The following PTPRE variants were observed in gnomAD, a reference collection of about 807,000 sequenced individuals.
PTPRE encodes receptor-type tyrosine-protein phosphatase epsilon.
A neutral mutation model predicts 102.0 loss-of-function variants in PTPRE; 51 were observed. That is an observed-to-expected ratio of 0.50 (90% confidence interval 0.40 to 0.63). The LOEUF (loss-of-function observed/expected upper bound fraction) is 0.63, where lower values mean the gene tolerates loss of function less well. Ranked by LOEUF, PTPRE falls within the 30% of genes least tolerant of loss-of-function variation. The probability of loss-of-function intolerance (pLI) is 0.00; values close to 1 mark genes in which losing one functional copy is unlikely to be tolerated. For missense variants in PTPRE, 752 were observed against 915.1 expected (o/e 0.82, Z 2.30); for synonymous variants, 345 against 348.2 (o/e 0.99, Z 0.10).
At position 128,008,074 on chromosome 10, in the gene PTPRE, C is replaced by T. The variant is rs1181809260; in HGVS notation, c.-8+25778C>T. Reference sequence around the variant, plus strand: ...AGCTTCCTCCAGGAAGAAGGCATCTCTCACCACTGGGGAGGCACAGGAGGC... The same window carrying T: ...AGCTTCCTCCAGGAAGAAGGCATCTTTCACCACTGGGGAGGCACAGGAGGC... On this transcript the variant is annotated intron_variant, in intron 2 of 20. Transcript: ENST00000254667. This position sits in a 1 kb window ranked among gnomAD's most constrained non-coding sequence, Gnocchi z 4.0. Among the ~76,000 whole-genome samples, 6 of 152,202 alleles carry T rather than the reference C, an allele frequency of 3.9e-5. No individual in the cohort carries two copies. The highest frequency in any genetic ancestry group is 1.4e-4 in the African/African-American group (6 of 41,438).
At chr10:127,919,693 A>G (rs1415886764) in intron 1 of PTPRE, among the ~76,000 whole-genome samples, 2 of 152,188 alleles carry the variant, frequency 1.3e-5, no homozygotes, top group Non-Finnish European at 2.9e-5. Context: ...CTGTGCATCC[A>G]TCTTTTGTCT....
chr10:127,911,865 A>T (rs1845892578), intron 1 of PTPRE, among the ~76,000 whole-genome samples: 3 of 151,304 alleles, frequency 2.0e-5, no homozygotes, highest in Non-Finnish European at 4.4e-5. Flanking sequence ...ACTTCTCATT[A>T]TTTTGTCACT....
At chr10:127,914,215 G>T (rs1192170896) in intron 1 of PTPRE, among the ~76,000 whole-genome samples, 1 of 152,132 alleles carries the variant, frequency 6.6e-6, no homozygotes, top group Non-Finnish European at 1.5e-5. Context: ...GAAGCTTCCT[G>T]AGCCTCACCT....
chr10:128,048,305 A>T (rs1848265560), intron 5 of PTPRE, among the ~76,000 whole-genome samples: 1 of 152,208 alleles, frequency 6.6e-6, no homozygotes, highest in South Asian at 2.1e-4. Context: ...CATCCGAAGT[A>T]CAGTTTCGAA....
chr10:128,082,384 G>C (rs1211962265), intron 20 of PTPRE, among the ~76,000 whole-genome samples: 1 of 150,998 alleles, frequency 6.6e-6, no homozygotes, highest in Non-Finnish European at 1.5e-5. Flanking sequence ...GCTAATTTTT[G>C]TATCTTTTTT....
At position 128,008,477 on chromosome 10, in the gene PTPRE, G is replaced by A. The variant is rs767856348; in HGVS notation, c.-8+26181G>A. ...GGGATAATGTCAAACAGCCAGTCCCGGGTTTCTAAACCCAGTTGATCAATA... is the reference window on the plus strand; with the variant it reads ...GGGATAATGTCAAACAGCCAGTCCCAGGTTTCTAAACCCAGTTGATCAATA... On this transcript the variant is annotated intron_variant, in intron 2 of 20. Coordinates refer to ENST00000254667, the MANE Select transcript of PTPRE (RefSeq NM_006504.6). This position sits in a 1 kb window ranked among gnomAD's most constrained non-coding sequence, Gnocchi z 4.0. 3.9e-5 allele frequency among the ~76,000 whole-genome samples: 6 copies of A among 152,174 alleles called. No homozygotes were observed. The highest frequency in any genetic ancestry group is 1.9e-4 in the East Asian group (1 of 5,192).
At chr10:128,042,354 A>T (rs994784040) in intron 3 of PTPRE, among the ~76,000 whole-genome samples, 1 of 152,172 alleles carries the variant, frequency 6.6e-6, no homozygotes, top group African/African-American at 2.4e-5. Context: ...TCCACTCCAC[A>T]TCTGAGGCTT....
At chr10:128,064,867 C>T (rs759666703) in intron 10 of PTPRE, among the ~76,000 whole-genome samples, 8 of 152,328 alleles carry the variant, frequency 5.3e-5, no homozygotes, top group African/African-American at 7.2e-5. Context: ...TTGCAAAACA[C>T]AGCTGCCCTG....
intron 1 of PTPRE, among the ~76,000 whole-genome samples, chr10:127,981,537 G>C (rs1297946786): frequency 1.3e-5 from 2 of 152,104 alleles, no homozygotes; most frequent in Non-Finnish European, 2.9e-5. Context: ...TTAATGGGAG[G>C]CTGGGCATGG....
Position 128,085,305 on chromosome 10 carries a change from A to G in PTPRE, c.*2399A>G. The G allele has an allele frequency of 3.1e-6, 1 of 325,052 alleles. No individual in the cohort carries two copies. Among genetic ancestry groups the G allele is most frequent in the Non-Finnish European group, 6.2e-6 (1 of 160,742 alleles). The allele number at this position is 325,052 out of a possible 1,614,324, so 20.1% of individuals were successfully genotyped here. A position where few individuals can be genotyped will look rare whatever the true frequency, so the allele number is the denominator to read the frequency against. On this transcript the variant is annotated 3_prime_UTR_variant, in exon 21 of 21. Coordinates refer to ENST00000254667, the MANE Select transcript of PTPRE (RefSeq NM_006504.6). Reference sequence around the variant, plus strand: ...TTCATCTCTTGTTTCCTTCAGTCAAAGAAAGTCCATTGTACATAACAAAAC... The same window carrying G: ...TTCATCTCTTGTTTCCTTCAGTCAAGGAAAGTCCATTGTACATAACAAAAC...
At chr10:128,021,504 C>T (rs72847346) in intron 2 of PTPRE, among the ~76,000 whole-genome samples, 6,622 of 152,330 alleles carry the variant, frequency 0.043, 197 homozygotes, top group Non-Finnish European at 0.062. Flanking sequence ...GCCCTCGGGG[C>T]ACCGCCATGC....
At chr10:128,069,987 A>G in intron 13 of PTPRE, 160 bp downstream of exon 13, 1 of 1,030,162 alleles carries the variant, frequency 9.7e-7, no homozygotes, top group Non-Finnish European at 1.4e-6. Context: ...CACGCGTGGG[A>G]CCTCAGGGAC....
At chr10:128,036,919 C>T (rs1231152146) in intron 2 of PTPRE, among the ~76,000 whole-genome samples, 11 of 152,214 alleles carry the variant, frequency 7.2e-5, no homozygotes, top group African/African-American at 2.7e-4. Context: ...GACCACTCTC[C>T]GGCCGCAAAG....
rs61758317 is a variant in PTPRE, at chr10:128,047,562, C to T, written c.209+73C>T. On this transcript the variant is annotated intron_variant, in intron 4 of 20. Coordinates refer to ENST00000254667, the MANE Select transcript of PTPRE (RefSeq NM_006504.6). ...GAAATGAGCCTTCTGATGCTGTGGGCGTGGGCTGTGCAGCAGAGGGCAGCT... is the reference window on the plus strand; with the variant it reads ...GAAATGAGCCTTCTGATGCTGTGGGTGTGGGCTGTGCAGCAGAGGGCAGCT... The T allele has an allele frequency of 8.1e-3, 12,987 of 1,610,874 alleles. 272 individuals carry two copies. The highest frequency in any genetic ancestry group is 0.064 in the African/African-American group (4,824 of 74,936).
chr10:128,049,669 G>A lies in PTPRE; in HGVS notation c.420+3G>A, dbSNP rs1252507669. 6.2e-7 allele frequency: 1 copy of A among 1,613,622 alleles called. No individual in the cohort carries two copies. Among genetic ancestry groups the A allele is most frequent in the Non-Finnish European group, 8.5e-7 (1 of 1,180,002 alleles). ...AGCAGTTTCGGGAGGAGTTCAACGT[G>A]AGTGTGGGGAGGGCTCTCTGCTGGG... is the stretch of plus-strand genomic sequence containing the variant. On this transcript the variant is annotated splice_donor_region_variant and intron_variant, in intron 6 of 20. Transcript: ENST00000254667.
At chr10:127,973,659 A>G (rs1442703998) in intron 1 of PTPRE, among the ~76,000 whole-genome samples, 1 of 152,168 alleles carries the variant, frequency 6.6e-6, no homozygotes, top group Non-Finnish European at 1.5e-5. Flanking sequence ...TGAAAAAAAA[A>G]AATTGATCTG....
At chr10:127,964,325 G>A (rs960271755) in intron 1 of PTPRE, among the ~76,000 whole-genome samples, 4 of 151,808 alleles carry the variant, frequency 2.6e-5, no homozygotes, top group South Asian at 2.1e-4. Context: ...GCCCACCACC[G>A]CGCCCAGCTA....
At chr10:127,961,092 G>A (rs552580324) in intron 1 of PTPRE, among the ~76,000 whole-genome samples, 2 of 151,992 alleles carry the variant, frequency 1.3e-5, no homozygotes, top group Non-Finnish European at 2.9e-5. Context: ...GCATTCAGAC[G>A]ATGCCAAGGA....
intron 2 of PTPRE, among the ~76,000 whole-genome samples, chr10:128,029,313 T>G (rs1015278367): frequency 7.2e-5 from 11 of 152,152 alleles, no homozygotes; most frequent in African/African-American, 2.4e-4. Context: ...CTCTAACACA[T>G]GGGCGGGTCC....
Sources: gnomAD v4.1 joint callset for allele counts (sites outside exome capture counted in the v4.1 genomes callset) on GRCh38, gnomAD v4.1.1 for gene constraint, Gnocchi (gnomAD v3.1) non-coding constraint, MANE v1.5 for transcripts, NCBI Gene and HGNC (gene_info 2026-07-23, HGNC 2026-07-21) for gene names.